GPR39: variants seen among roughly 807,000 people sequenced by gnomAD.
The protein encoded by GPR39 is G protein-coupled receptor 39, also known as zinc sensing receptor.
Under a neutral mutation model 18.4 loss-of-function variants are expected in GPR39, and 23 were observed. That is an observed-to-expected ratio of 1.25 (90% CI 0.90 to 1.77). The LOEUF (loss-of-function observed/expected upper bound fraction) is 1.77, where lower values mean the gene tolerates loss of function less well. Among genes scored for constraint, GPR39 ranks in the 40% most tolerant of loss-of-function variants. The pLI is 0.00. For synonymous variants in GPR39, 280 were observed against 257.9 expected (o/e 1.09, Z -0.82); for missense variants, 647 against 602.4 (o/e 1.07, Z -0.78).
At chr2:132,522,075 A>T (rs1302298809) in intron 1 of GPR39, among the ~76,000 whole-genome samples, 1 of 152,010 alleles carries the variant, frequency 6.6e-6, no homozygotes, top group Non-Finnish European at 1.5e-5. Context: ...AAGCTCTTCT[A>T]CTTCTAGATC....
chr2:132,563,352 G>C (rs1680288369), intron 1 of GPR39, among the ~76,000 whole-genome samples: 1 of 152,148 alleles, frequency 6.6e-6, no homozygotes, highest in African/African-American at 2.4e-5. Context: ...GCTTTTCCCT[G>C]AAATCCCAGC....
intron 1 of GPR39, among the ~76,000 whole-genome samples, chr2:132,535,661 G>A (rs1378869277): frequency 6.8e-6 from 1 of 146,232 alleles, no homozygotes; most frequent in African/African-American, 2.6e-5. Context: ...TGTATCTCTG[G>A]TAGATTTTGG....
intron 1 of GPR39, among the ~76,000 whole-genome samples, chr2:132,550,478 C>G (rs1219799910): frequency 6.6e-6 from 1 of 152,192 alleles, no homozygotes; most frequent in Non-Finnish European, 1.5e-5. Flanking sequence ...TTCCAATGCA[C>G]TTTGAAAAGA....
chr2:132,598,745 C>T (rs564309551), intron 1 of GPR39, among the ~76,000 whole-genome samples: 3 of 152,132 alleles, frequency 2.0e-5, no homozygotes, highest in Admixed American at 2.0e-4. Context: ...GACTAAAATC[C>T]ACACCAGCAT....
rs1259225942 is a variant in GPR39, at chr2:132,417,784, G to A, written c.742G>A (p.Val248Met). Residue 248 changes from valine (V) to methionine (M), a missense_variant, in exon 1 of 2, where the codon GTG becomes ATG. Coordinates refer to ENST00000329321, the MANE Select transcript of GPR39 (RefSeq NM_001508.3). ...CTTCATGTGCTGGAACATGATGCAG[G>A]TGCTCATGAAAAGCCAGAAGGGCTC... ...VAFMCWNMMQ[V>M]LMKSQKGSLA... 1.2e-6 allele frequency: 2 copies of A among 1,614,178 alleles called. No homozygotes were observed. The highest frequency in any genetic ancestry group is 1.7e-5 in the Admixed American group (1 of 60,034).
At chr2:132,644,775 T>TG (rs1681961000) in intron 1 of GPR39, 1 of 283,832 alleles carries the variant, frequency 3.5e-6, no homozygotes, top group African/African-American at 2.2e-5. Flanking sequence ...ATGGATAACA[T>TG]GAACTGCTTT....
intron 1 of GPR39, among the ~76,000 whole-genome samples, chr2:132,492,756 C>CAT (rs1423250955): frequency 5.0e-5 from 6 of 120,500 alleles, no homozygotes; most frequent in African/African-American, 6.0e-5. Context: ...ATGTATATAC[C>CAT]ATATATATAC....
intron 1 of GPR39, among the ~76,000 whole-genome samples, chr2:132,493,098 C>CAT (rs1681536099): frequency 4.1e-5 from 5 of 123,244 alleles, no homozygotes; most frequent in African/African-American, 6.2e-5. Context: ...ATATATACAC[C>CAT]ATATATATAC....
intron 1 of GPR39, among the ~76,000 whole-genome samples, chr2:132,602,250 G>A (rs1681056459): frequency 6.6e-6 from 1 of 152,036 alleles, no homozygotes; most frequent in African/African-American, 2.4e-5. Context: ...ACAGCCAACT[G>A]ATTTTCAGCA....
chr2:132,544,079 G>A (rs1222807621), intron 1 of GPR39, among the ~76,000 whole-genome samples: 1 of 152,246 alleles, frequency 6.6e-6, no homozygotes, highest in South Asian at 2.1e-4. Flanking sequence ...TGAGCATTAA[G>A]TGATAGTGGT....
chr2:132,547,272 G>A (rs1030235071), intron 1 of GPR39, among the ~76,000 whole-genome samples: 1 of 152,142 alleles, frequency 6.6e-6, no homozygotes, highest in Non-Finnish European at 1.5e-5. Flanking sequence ...GACAAAAATG[G>A]GTTCCATACA....
chr2:132,526,940 T>C (rs992576391), intron 1 of GPR39, among the ~76,000 whole-genome samples: 1 of 152,212 alleles, frequency 6.6e-6, no homozygotes, highest in African/African-American at 2.4e-5. Flanking sequence ...TTTTAAATTT[T>C]TATTTTATTT....
Position 132,645,392 on chromosome 2 carries a change from A to ACAGCGCCCGCTTTGTG in GPR39, c.1158_1173dup (p.Leu393CysfsTer19), listed in dbSNP as rs761938602. 2.5e-6 allele frequency: 4 copies of ACAGCGCCCGCTTTGTG among 1,613,642 alleles called. No homozygotes were observed. The highest frequency in any genetic ancestry group is 3.3e-5 in the Admixed American group (2 of 60,006). ...CGCGTACATGCGCACTCCACCACCG[A>ACAGCGCCCGCTTTGTG]CAGCGCCCGCTTTGTGCAGCGCCCG... On this transcript the variant is annotated frameshift_variant, in exon 2 of 2. Transcript: ENST00000329321. LOFTEE classifies it low-confidence loss of function (END_TRUNC).
chr2:132,477,780 A>G (rs1029529017), intron 1 of GPR39, among the ~76,000 whole-genome samples: 11 of 152,230 alleles, frequency 7.2e-5, no homozygotes, highest in African/African-American at 2.4e-4. Context: ...GGAAATATTA[A>G]GTATATTACA....
intron 1 of GPR39, among the ~76,000 whole-genome samples, chr2:132,451,479 G>A (rs1233635878): frequency 2.6e-5 from 4 of 152,178 alleles, no homozygotes. Context: ...TTCATTGAAT[G>A]AATGGATGAG....
At chr2:132,428,132 T>G (rs1189062333) in intron 1 of GPR39, among the ~76,000 whole-genome samples, 1 of 152,024 alleles carries the variant, frequency 6.6e-6, no homozygotes, top group Non-Finnish European at 1.5e-5. Flanking sequence ...CTAGCTGTTC[T>G]CCTTGTTAGA....
chr2:132,524,673 C>G (rs1679479016), intron 1 of GPR39, among the ~76,000 whole-genome samples: 1 of 152,070 alleles, frequency 6.6e-6, no homozygotes, highest in South Asian at 2.1e-4. Flanking sequence ...TACAAGATAC[C>G]CAGAGAATAA....
intron 1 of GPR39, among the ~76,000 whole-genome samples, chr2:132,438,486 C>T (rs13396034): frequency 0.21 from 32,037 of 150,778 alleles, 3,505 homozygotes; most frequent in African/African-American, 0.25. Flanking sequence ...CAGACAACCA[C>T]TTGATTCCCT....
chr2:132,517,002 C>T (rs1343215924), intron 1 of GPR39, among the ~76,000 whole-genome samples: 1 of 152,098 alleles, frequency 6.6e-6, no homozygotes, highest in African/African-American at 2.4e-5. Flanking sequence ...CACCGATGTC[C>T]ATCTATAGGG....
Sources: gnomAD v4.1 joint callset for allele counts (sites outside exome capture counted in the v4.1 genomes callset) on GRCh38, gnomAD v4.1.1 for gene constraint, MANE v1.5 for transcripts, NCBI Gene and HGNC (gene_info 2026-07-23, HGNC 2026-07-21) for gene names.